ZNF608: variants seen among roughly 807,000 people sequenced by gnomAD.
ZNF608 encodes the protein zinc finger protein 608.
In ZNF608, 12 loss-of-function variants were observed where a neutral mutation model predicts 109.0. The observed-to-expected ratio is 0.11, with a 90% CI of 0.07 to 0.18. The LOEUF is 0.18. Among genes scored for constraint, ZNF608 ranks in the 10% least tolerant of loss-of-function variants. ZNF608 has a pLI of 1.00. For missense variants in ZNF608, 1,707 were observed against 1,879.3 expected, an observed-to-expected ratio of 0.91 and a Z score of 1.70; for synonymous variants, 732 against 717.4, an observed-to-expected ratio of 1.02 and a Z score of -0.33.
At chr5:124,669,091 A>G (rs963631045) in intron 3 of ZNF608, among the ~76,000 whole-genome samples, 2 of 152,160 alleles carry the variant, frequency 1.3e-5, no homozygotes, top group Non-Finnish European at 2.9e-5. Context: ...CTGAGAAGAA[A>G]AAAAAAATCG....
intron 9 of ZNF608, 84 bp downstream of exon 9, chr5:124,639,049 T>C: frequency 7.5e-7 from 1 of 1,327,714 alleles, no homozygotes; most frequent in East Asian, 2.5e-5. Context: ...GTTAAGTTTT[T>C]GGTCTAAAAA....
Position 124,710,291 on chromosome 5 carries a change from C to T in ZNF608, c.907-9022G>A, listed in dbSNP as rs116539312. The T allele has an allele frequency of 2.4e-3, 1,048 of 435,234 alleles. 9 individuals carry two copies. The highest frequency in any genetic ancestry group is 0.02 in the African/African-American group (955 of 48,728). 27.0% of individuals were successfully genotyped at this position (435,234 alleles called of 1,614,324 possible). On this transcript the variant is annotated intron_variant, in intron 2 of 9. Transcript: ENST00000513986. ...CGATTTCTCTCAGCTTAACATCAGTCATTTTTCTTACCTTCTTTTAGGGAA... is the reference window on the plus strand; with the variant it reads ...CGATTTCTCTCAGCTTAACATCAGTTATTTTTCTTACCTTCTTTTAGGGAA...
Position 124,744,650 on chromosome 5 carries a change from C to A in ZNF608, c.340G>T (p.Asp114Tyr), listed in dbSNP as rs1202801229. The change falls in exon 2 of 10, where the codon GAT becomes TAT. Residue 114 changes from aspartate to tyrosine, a missense_variant. Transcript: ENST00000513986. The surrounding 1 kb of genome is among the most constrained non-coding windows in gnomAD (Gnocchi z 4.5). ...GCAGAAGGCAGAGATTTATTAGCAT[C>A]CTTAGAAGTTTTACTCCTTTTCACT... ...SKVKRSKTSK[D>Y]ANKSLPSAAL... 1 of 1,614,202 alleles carries A rather than the reference C, an allele frequency of 6.2e-7. No individual in the cohort carries two copies. The highest frequency in any genetic ancestry group is 8.5e-7 in the Non-Finnish European group (1 of 1,180,038).
intron 3 of ZNF608, among the ~76,000 whole-genome samples, chr5:124,678,862 T>G (rs553782895): frequency 6.6e-6 from 1 of 152,130 alleles, no homozygotes; most frequent in Non-Finnish European, 1.5e-5. Context: ...GAGTACACCA[T>G]TAAGTCAGAA....
At chr5:124,748,070 T>C (rs1192769983), upstream of ZNF608, among the ~76,000 whole-genome samples, 1 of 152,142 alleles carries the variant, frequency 6.6e-6, no homozygotes, top group African/African-American at 2.4e-5. Flanking sequence ...AACCATTACA[T>C]GTAATGAGTG....
chr5:124,746,984 G>C (rs944275593), upstream of ZNF608, among the ~76,000 whole-genome samples: 5 of 151,186 alleles, frequency 3.3e-5, no homozygotes, highest in Non-Finnish European at 7.4e-5. Context: ...GGAAAATAAC[G>C]GCGTTTAAAA....
chr5:124,697,600 A>G (rs976268419), intron 3 of ZNF608, among the ~76,000 whole-genome samples: 1 of 152,174 alleles, frequency 6.6e-6, no homozygotes, highest in Non-Finnish European at 1.5e-5. Flanking sequence ...TCTGAAACCC[A>G]CTAATTTTTT....
Position 124,728,411 on chromosome 5 carries a change from G to C in ZNF608, c.906+15673C>G, listed in dbSNP as rs565162836. Among the ~76,000 whole-genome samples, 79 of 152,258 alleles carry C rather than the reference G, an allele frequency of 5.2e-4. 1 individual carries two copies. Among genetic ancestry groups the C allele is most frequent in the South Asian group, 3.1e-3 (15 of 4,820 alleles). On this transcript the variant is annotated intron_variant, in intron 2 of 9. Transcript: ENST00000513986. ...AGATCACCTCTGCTTTGGGGTGGCTGACATTTTGTTTATCTAGCTCTCCCA... is the reference window on the plus strand; with the variant it reads ...AGATCACCTCTGCTTTGGGGTGGCTCACATTTTGTTTATCTAGCTCTCCCA...
intron 3 of ZNF608, among the ~76,000 whole-genome samples, chr5:124,670,190 G>C (rs544733509): frequency 6.6e-6 from 1 of 152,102 alleles, no homozygotes; most frequent in Non-Finnish European, 1.5e-5. Flanking sequence ...AAAAGATGAC[G>C]GAGCCCAGCA....
intron 2 of ZNF608, among the ~76,000 whole-genome samples, chr5:124,715,869 C>T (rs995475145): frequency 1.3e-5 from 2 of 152,006 alleles, no homozygotes; most frequent in Non-Finnish European, 2.9e-5. Context: ...ATAGGCCGGG[C>T]GCGGTGGCTC....
chr5:124,743,572 G>A (rs1012874093), intron 2 of ZNF608, among the ~76,000 whole-genome samples: 6 of 152,206 alleles, frequency 3.9e-5, no homozygotes, highest in Non-Finnish European at 8.8e-5. Context: ...AAGGGATGAG[G>A]TCTGTAGAAT....
At chr5:124,718,977 A>G (rs1303628507) in intron 2 of ZNF608, among the ~76,000 whole-genome samples, 1 of 152,148 alleles carries the variant, frequency 6.6e-6, no homozygotes, top group Non-Finnish European at 1.5e-5. Context: ...CTCATTACAT[A>G]TATGCCATTT....
At chr5:124,687,550 G>A (rs577940486) in intron 3 of ZNF608, among the ~76,000 whole-genome samples, 1 of 152,318 alleles carries the variant, frequency 6.6e-6, no homozygotes, top group South Asian at 2.1e-4. Flanking sequence ...CAAATGAGCA[G>A]TAAGCACCTT....
intron 3 of ZNF608, among the ~76,000 whole-genome samples, chr5:124,656,799 A>AACACACACACACACACAC (rs35634231): frequency 8.1e-6 from 1 of 123,920 alleles, no homozygotes; most frequent in African/African-American, 3.1e-5. Context: ...ATAAGCCCTA[A>AACACACACACACACACAC]ACACACACAC....
rs180672921 is a variant in ZNF608, at chr5:124,731,803, G to A, written c.906+12281C>T. Among the ~76,000 whole-genome samples the A allele has an allele frequency of 6.4e-3, 977 of 152,156 alleles. 3 individuals carry two copies. The highest frequency in any genetic ancestry group is 0.012 in the Non-Finnish European group (788 of 67,998). ...ATCGTGCCACTGCACTCCAGCCTGGGCGACAAAGCAAGACTCCATCTCAAA... is the reference window on the plus strand; with the variant it reads ...ATCGTGCCACTGCACTCCAGCCTGGACGACAAAGCAAGACTCCATCTCAAA... On this transcript the variant is annotated intron_variant, in intron 2 of 9. Transcript: ENST00000513986.
intron 3 of ZNF608, among the ~76,000 whole-genome samples, chr5:124,687,913 G>A (rs1051975345): frequency 6.6e-6 from 1 of 152,072 alleles, no homozygotes; most frequent in Admixed American, 6.6e-5. Flanking sequence ...AAGTAGCAGG[G>A]GGCAGGACAG....
intron 2 of ZNF608, among the ~76,000 whole-genome samples, chr5:124,729,619 C>T (rs1363321271): frequency 6.6e-6 from 1 of 152,126 alleles, no homozygotes; most frequent in African/African-American, 2.4e-5. Flanking sequence ...TACTGTACTT[C>T]TATATGTGTA....
chr5:124,658,884 G>T lies in ZNF608; in HGVS notation c.1163-9187C>A, dbSNP rs750435542. Among the ~76,000 whole-genome samples, 36 of 152,210 alleles carry T rather than the reference G, an allele frequency of 2.4e-4. No individual in the cohort carries two copies. The South Asian group carries it at 2.9e-3, about 12-fold the overall frequency. ...AGGTATTTTGTAATTATTGAACTAG[G>T]CCTACTATGAGCCATAATAATGACA... On this transcript the variant is annotated intron_variant, in intron 3 of 9. Coordinates refer to ENST00000513986, the MANE Select transcript of ZNF608 (RefSeq NM_020747.3).
chr5:124,642,556 C>T (rs887438558), intron 7 of ZNF608, among the ~76,000 whole-genome samples: 12 of 152,080 alleles, frequency 7.9e-5, no homozygotes, highest in African/African-American at 2.2e-4. Flanking sequence ...AAGTTAACAA[C>T]AAAGATAAGT....
Sources: gnomAD v4.1 joint callset for allele counts (sites outside exome capture counted in the v4.1 genomes callset) on GRCh38, gnomAD v4.1.1 for gene constraint, Gnocchi (gnomAD v3.1) non-coding constraint, MANE v1.5 for transcripts, NCBI Gene and HGNC (gene_info 2026-07-23, HGNC 2026-07-21) for gene names.